The following LDLRAD4 variants were observed in gnomAD, a reference collection of about 807,000 sequenced individuals.
The protein encoded by LDLRAD4 is low density lipoprotein receptor class A domain containing 4.
LDLRAD4 carries 5 observed loss-of-function variants against 17.0 expected under a neutral mutation model. The observed-to-expected ratio is 0.29, with a 90% confidence interval of 0.15 to 0.62. LDLRAD4 has a LOEUF of 0.62. LDLRAD4 is among the 20% of genes least tolerant of loss of function. LDLRAD4 has a pLI of 0.84. For synonymous variants in LDLRAD4, 168 were observed against 171.8 expected, an observed-to-expected ratio of 0.98 and a Z score of 0.17; for missense variants, 340 against 424.7, an observed-to-expected ratio of 0.80 and a Z score of 1.75.
chr18:13,350,624 C>T (rs994480922), intron 1 of LDLRAD4, among the ~76,000 whole-genome samples: 1 of 152,154 alleles, frequency 6.6e-6, no homozygotes, highest in Non-Finnish European at 1.5e-5. Context: ...TGCAGAAGCT[C>T]TTTAGTTTAA....
At position 13,236,884 on chromosome 18, in the gene LDLRAD4, C is replaced by A. The variant is rs8090281; in HGVS notation, c.-467+17896C>A. ...CTGGAACTGTGGACTCCCTCCCTCC[C>A]TAGTCTTGCTTGGAACCAGCGTGGT... is the stretch of plus-strand genomic sequence containing the variant. On this transcript the variant is annotated intron_variant, in intron 1 of 5. Coordinates refer to the LDLRAD4 transcript ENST00000399848. 3.6e-3 allele frequency among the ~76,000 whole-genome samples: 549 copies of A among 152,332 alleles called. 6 individuals are homozygous for A. Among genetic ancestry groups the A allele is most frequent in the African/African-American group, 0.011 (469 of 41,578 alleles).
At chr18:13,304,163 G>C (rs1275344456) in intron 1 of LDLRAD4, among the ~76,000 whole-genome samples, 2 of 152,184 alleles carry the variant, frequency 1.3e-5, no homozygotes, top group African/African-American at 4.8e-5. Context: ...CGGCTTCCCG[G>C]CTTCCACACT....
At chr18:13,415,261 C>T (rs1274611832) in intron 2 of LDLRAD4, among the ~76,000 whole-genome samples, 2 of 152,210 alleles carry the variant, frequency 1.3e-5, no homozygotes, top group East Asian at 3.8e-4. Context: ...AACACACAGT[C>T]TCTTATGACC....
At chr18:13,510,358 C>T (rs2093758428) in intron 3 of LDLRAD4, among the ~76,000 whole-genome samples, 1 of 152,114 alleles carries the variant, frequency 6.6e-6, no homozygotes, top group East Asian at 1.9e-4. Flanking sequence ...CCTCCTGGGG[C>T]CTCAGTTTCT....
At chr18:13,356,413 C>G (rs2083346493) in intron 1 of LDLRAD4, among the ~76,000 whole-genome samples, 1 of 152,228 alleles carries the variant, frequency 6.6e-6, no homozygotes, top group African/African-American at 2.4e-5. Flanking sequence ...AAAAACAACT[C>G]TTACTACTTA....
intron 2 of LDLRAD4, among the ~76,000 whole-genome samples, chr18:13,418,565 G>A (rs1473673339): frequency 6.6e-6 from 1 of 152,204 alleles, no homozygotes; most frequent in Non-Finnish European, 1.5e-5. Context: ...GCTGTAGACA[G>A]CCCTTGGGTT....
At chr18:13,551,385 T>C (rs907720433) in intron 3 of LDLRAD4, among the ~76,000 whole-genome samples, 1 of 152,170 alleles carries the variant, frequency 6.6e-6, no homozygotes, top group African/African-American at 2.4e-5. Context: ...CAGGCTCATT[T>C]GGCCCATGCT....
intron 2 of LDLRAD4, among the ~76,000 whole-genome samples, chr18:13,410,095 G>A (rs1174154978): frequency 2.6e-5 from 4 of 152,100 alleles, no homozygotes; most frequent in Non-Finnish European, 4.4e-5. Flanking sequence ...CCAAATCGAA[G>A]GACGTTCTGC....
chr18:13,610,306 G>GCT (rs1568402508), intron 3 of LDLRAD4, among the ~76,000 whole-genome samples: 1 of 17,426 alleles, frequency 5.7e-5, no homozygotes, highest in Non-Finnish European at 1.1e-4. Context: ...TTTTTTTTTT[G>GCT]AGACGGAGTC....
At chr18:13,289,240 TG>T (rs2045829687) in intron 1 of LDLRAD4, among the ~76,000 whole-genome samples, 4 of 152,246 alleles carry the variant, frequency 2.6e-5, no homozygotes, top group African/African-American at 7.2e-5. Flanking sequence ...GCACGCATAA[TG>T]GTTTAGTTCC....
chr18:13,241,352 G>C (rs2042638604), intron 1 of LDLRAD4: 1 of 152,328 alleles, frequency 6.6e-6, no homozygotes, highest in Non-Finnish European at 1.5e-5. Flanking sequence ...CTTTCGCTGT[G>C]TGTATACATG....
chr18:13,387,104 C>T (rs972865373), intron 1 of LDLRAD4, among the ~76,000 whole-genome samples: 1 of 152,176 alleles, frequency 6.6e-6, no homozygotes, highest in Non-Finnish European at 1.5e-5. Context: ...GAGTTTCTTC[C>T]CCGAGGTGTC....
chr18:13,248,957 G>A (rs1343651016), intron 1 of LDLRAD4, among the ~76,000 whole-genome samples: 2 of 152,022 alleles, frequency 1.3e-5, no homozygotes, highest in Non-Finnish European at 2.9e-5. Flanking sequence ...TTACTTCTAT[G>A]AGGTCAACTT....
At chr18:13,416,521 G>A (rs1600104789) in intron 2 of LDLRAD4, among the ~76,000 whole-genome samples, 1 of 152,170 alleles carries the variant, frequency 6.6e-6, no homozygotes, top group African/African-American at 2.4e-5. Context: ...GTGAAAACAG[G>A]CTTCAGCAGA....
At chr18:13,378,321 G>A (rs961769068) in intron 1 of LDLRAD4, among the ~76,000 whole-genome samples, 7 of 152,108 alleles carry the variant, frequency 4.6e-5, no homozygotes, top group Non-Finnish European at 7.3e-5. Flanking sequence ...AGGCTGCCTC[G>A]CCCGGCAGAG....
intron 3 of LDLRAD4, among the ~76,000 whole-genome samples, chr18:13,582,474 G>A (rs1568367023): frequency 6.6e-6 from 1 of 152,166 alleles, no homozygotes; most frequent in African/African-American, 2.4e-5. Flanking sequence ...AGGCTTGCCC[G>A]CTAAGGCCCC....
chr18:13,354,268 T>C (rs1432054059), intron 1 of LDLRAD4, among the ~76,000 whole-genome samples: 1 of 152,194 alleles, frequency 6.6e-6, no homozygotes, highest in Admixed American at 6.5e-5. Context: ...TCAAGTACTT[T>C]GGAGAATGCA....
intron 4 of LDLRAD4, among the ~76,000 whole-genome samples, chr18:13,630,827 T>C (rs556283184): frequency 1.3e-5 from 2 of 152,380 alleles, no homozygotes; most frequent in African/African-American, 2.4e-5. Context: ...ACTTACAGTG[T>C]GCTCAGATCA....
chr18:13,256,825 C>T (rs776606091), intron 1 of LDLRAD4, among the ~76,000 whole-genome samples: 8 of 152,198 alleles, frequency 5.3e-5, no homozygotes, highest in Non-Finnish European at 1.2e-4. Context: ...CCAGGCACGT[C>T]AGTGCCCAGT....
Sources: gnomAD v4.1 joint callset for allele counts (sites outside exome capture counted in the v4.1 genomes callset) on GRCh38, gnomAD v4.1.1 for gene constraint, MANE v1.5 for transcripts, NCBI Gene and HGNC (gene_info 2026-07-23, HGNC 2026-07-21) for gene names.